Variants in RIC3 observed in about 807,000 individuals in gnomAD.
The protein encoded by RIC3 is RIC3 acetylcholine receptor chaperone.
Under a neutral mutation model 27.3 loss-of-function variants are expected in RIC3, and 28 were observed. That is an observed-to-expected ratio of 1.02 (90% CI 0.76 to 1.41). The LOEUF (loss-of-function observed/expected upper bound fraction) is 1.41. Among genes scored for constraint, RIC3 ranks in the 40% most tolerant of loss-of-function variants. RIC3 has a pLI of 0.00. For missense variants in RIC3, 501 were observed against 444.7 expected (o/e 1.13, Z -1.14); for synonymous variants, 184 against 160.4 (o/e 1.15, Z -1.11).
the RIC3 span, among the ~76,000 whole-genome samples, chr11:8,100,310 T>C: frequency 6.6e-6 from 1 of 152,070 alleles, no homozygotes; most frequent in Non-Finnish European, 1.5e-5. Context: ...GGATGACGCA[T>C]AAGAGGAGCT....
intron 1 of RIC3, 37 bp downstream of exon 1, chr11:8,168,829 G>GCGCC: frequency 1.3e-6 from 2 of 1,597,188 alleles, no homozygotes; most frequent in Non-Finnish European, 1.7e-6. Context: ...GTACTCTTCG[G>GCGCC]CGCCGGGAAG....
chr11:8,114,330 G>T (rs534828072), intron 5 of RIC3, among the ~76,000 whole-genome samples: 1 of 152,174 alleles, frequency 6.6e-6, no homozygotes, highest in African/African-American at 2.4e-5. Context: ...ACGGCCGGGC[G>T]TGATGGCTCA....
In RIC3 at chr11:8,138,338, C is replaced by T. The variant is rs2133879309; in HGVS notation, c.361G>A (p.Gly121Arg). ...TTCCCATCCTCTGCAGTTGTTTTCCCCTTTGAGAGCTGAGAATTGAAGGAG... is the reference window on the plus strand; with the variant it reads ...TTCCCATCCTCTGCAGTTGTTTTCCTCTTTGAGAGCTGAGAATTGAAGGAG... ...ILYILFKLSK[G>R]KTTAEDGKCY... is the part of the protein sequence containing the mutation. The change falls in exon 3 of 6, where the codon GGG (glycine) becomes AGG (arginine). Residue 121 changes from glycine to arginine, a missense_variant. By Grantham distance (125) the Gly-to-Arg change is moderately radical. Transcript: ENST00000309737. 1 of 1,612,018 alleles carries T rather than the reference C, an allele frequency of 6.2e-7. No homozygotes were observed. The highest frequency in any genetic ancestry group is 8.5e-7 in the Non-Finnish European group (1 of 1,178,282).
chr11:8,130,036 C>A (rs1178912707), intron 4 of RIC3, among the ~76,000 whole-genome samples: 2 of 152,226 alleles, frequency 1.3e-5, no homozygotes, highest in Admixed American at 1.3e-4. Flanking sequence ...AATCTTCCTT[C>A]CAGTTTGGCT....
chr11:8,100,101 G>A, the RIC3 span, among the ~76,000 whole-genome samples: 1 of 152,186 alleles, frequency 6.6e-6, no homozygotes, highest in Non-Finnish European at 1.5e-5. Flanking sequence ...GAAACCAGGA[G>A]TCCAGGCAAA....
At chr11:8,135,964 C>T (rs1429594638) in intron 4 of RIC3, 1 of 152,108 alleles carries the variant, frequency 6.6e-6, no homozygotes, top group Non-Finnish European at 1.5e-5. Context: ...AGAGTGTGGT[C>T]CTTAGTAATT....
downstream of RIC3, chr11:8,101,347 A>T: frequency 8.5e-7 from 1 of 1,173,166 alleles, no homozygotes; most frequent in Non-Finnish European, 1.2e-6. Flanking sequence ...CCTTTGTTTT[A>T]CTTCCCTTTG....
chr11:8,116,898 C>CACT (rs1463307164), intron 5 of RIC3, among the ~76,000 whole-genome samples: 1 of 152,134 alleles, frequency 6.6e-6, no homozygotes, highest in Non-Finnish European at 1.5e-5. Context: ...CCAGTAATCC[C>CACT]ACTACTGGAT....
chr11:8,131,009 TA>T (rs1947621952), intron 4 of RIC3, among the ~76,000 whole-genome samples: 1 of 152,136 alleles, frequency 6.6e-6, no homozygotes, highest in Admixed American at 6.5e-5. Flanking sequence ...ACAAAAGAGA[TA>T]ATCTGTTTGG....
Position 8,168,983 on chromosome 11 carries a change from A to G in RIC3, c.7T>C (p.Tyr3His). The G allele has an allele frequency of 6.3e-7, 1 of 1,585,226 alleles. No individual in the cohort carries two copies. The highest frequency in any genetic ancestry group is 8.6e-7 in the Non-Finnish European group (1 of 1,168,424). The change falls in exon 1 of 6, where the codon TAC becomes CAC. Residue 3 changes from tyrosine (Y) to histidine (H), a missense_variant. Tyr to His is a moderately conservative substitution (Grantham distance 83). Coordinates refer to ENST00000309737, the MANE Select transcript of RIC3 (RefSeq NM_001206671.4). MA[Y>H]STVQRVALAS... The stretch of plus-strand genomic sequence containing the variant: ...AGAGCGACTCTCTGCACTGTGGAGT[A>G]CGCCATGACTGCTCACGGTGGTCGC...
At chr11:8,101,675 C>T (rs900826070), downstream of RIC3, 5 of 1,594,630 alleles carry the variant, frequency 3.1e-6, no homozygotes, top group African/African-American at 4.0e-5. Context: ...TGCCTGCCTG[C>T]CTGTGGAGAC....
downstream of RIC3, chr11:8,101,348 C>G: frequency 8.4e-7 from 1 of 1,190,860 alleles, no homozygotes; most frequent in Non-Finnish European, 1.2e-6. Flanking sequence ...CTTTGTTTTA[C>G]TTCCCTTTGT....
At chr11:8,117,998 A>G (rs1005246930) in intron 5 of RIC3, among the ~76,000 whole-genome samples, 3 of 151,814 alleles carry the variant, frequency 2.0e-5, no homozygotes, top group African/African-American at 7.3e-5. Context: ...CGAGGCGGGC[A>G]GATCACGAGG....
chr11:8,141,151 A>G (rs1949013965), intron 1 of RIC3, among the ~76,000 whole-genome samples: 2 of 151,336 alleles, frequency 1.3e-5, no homozygotes, highest in South Asian at 4.3e-4. Flanking sequence ...AGCTAACATC[A>G]TAATGACAGG....
chr11:8,096,732 GAGAAT>G, the RIC3 span: 1 of 1,614,072 alleles, frequency 6.2e-7, no homozygotes, highest in South Asian at 1.1e-5. Flanking sequence ...GGATGAGGAG[GAGAAT>G]AGCTCCAGCT....
downstream of RIC3, chr11:8,103,298 G>C (rs955686113): frequency 2.6e-5 from 4 of 152,192 alleles, no homozygotes; most frequent in Admixed American, 2.6e-4. Context: ...CCTGGTGGAG[G>C]CTTCTTGCCC....
intron 5 of RIC3, among the ~76,000 whole-genome samples, chr11:8,124,479 T>C (rs565952209): frequency 6.6e-6 from 1 of 152,270 alleles, no homozygotes; most frequent in African/African-American, 2.4e-5. Flanking sequence ...GATCTAAAGA[T>C]TCAAAGCAGT....
chr11:8,112,294 C>CTTTTCT (rs1554944262), intron 5 of RIC3, among the ~76,000 whole-genome samples: 20 of 124,330 alleles, frequency 1.6e-4, no homozygotes, highest in East Asian at 1.3e-3. Flanking sequence ...CTTTTCTTTT[C>CTTTTCT]TTTTTTTTTT....
chr11:8,162,728 C>A (rs936304404), intron 1 of RIC3, among the ~76,000 whole-genome samples: 1 of 150,066 alleles, frequency 6.7e-6, no homozygotes, highest in African/African-American at 2.5e-5. Flanking sequence ...TCACTGCAAC[C>A]TCCAACTCCC....
Sources: gnomAD v4.1 joint callset for allele counts (sites outside exome capture counted in the v4.1 genomes callset) on GRCh38, gnomAD v4.1.1 for gene constraint, MANE v1.5 for transcripts, NCBI Gene and HGNC (gene_info 2026-07-23, HGNC 2026-07-21) for gene names.